Variants in TRPV6 observed in about 807,000 individuals in gnomAD.
The protein encoded by TRPV6 is transient receptor potential cation channel subfamily V member 6.
A neutral mutation model predicts 79.0 loss-of-function variants in TRPV6; 39 were observed. The ratio of observed to expected loss-of-function variants is 0.49; its 90% CI spans 0.38 to 0.64. The LOEUF (loss-of-function observed/expected upper bound fraction) is 0.64. Ranked by LOEUF, TRPV6 falls within the 30% of genes least tolerant of loss-of-function variation. The pLI is 0.00. For synonymous variants in TRPV6, 373 were observed against 391.9 expected, an observed-to-expected ratio of 0.95 and a Z score of 0.57; for missense variants, 813 against 1,011.1, an observed-to-expected ratio of 0.80 and a Z score of 2.66.
chr7:142,875,663 G>A lies in TRPV6; in HGVS notation c.1047C>T (p.Asp349=), dbSNP rs780787551. The A allele has an allele frequency of 6.2e-7, 1 of 1,613,038 alleles. No homozygotes were observed. The highest frequency in any genetic ancestry group is 2.2e-5 in the East Asian group (1 of 44,854). Residue 349 remains aspartate (D), a synonymous_variant, in exon 8 of 15, where the codon GAC becomes GAT. Coordinates refer to ENST00000359396, the MANE Select transcript of TRPV6 (RefSeq NM_018646.6). ...TCACCAGCTCCTTCACCGGCGTCTGGTCCAGGATCTGGCGAGCCTGCAACA... is the reference window on the plus strand; with the variant it reads ...TCACCAGCTCCTTCACCGGCGTCTGATCCAGGATCTGGCGAGCCTGCAACA...
chr7:142,877,555 T>C (rs1795102461), intron 3 of TRPV6, 96 bp downstream of exon 3: 6 of 1,537,414 alleles, frequency 3.9e-6, no homozygotes, highest in Middle Eastern at 1.8e-4. Flanking sequence ...GAGGCTCAGA[T>C]CCCCTGTGTC....
At position 142,876,723 on chromosome 7, in the gene TRPV6, C is replaced by G; in HGVS notation, c.706+16G>C. 6.2e-7 allele frequency: 1 copy of G among 1,614,082 alleles called. No individual in the cohort carries two copies. ...CCCTGCAGCATCCCAGCTCCCCTCC[C>G]CATCTCAGCTCTTACCCAGGGAGTC... On this transcript the variant is annotated intron_variant, in intron 5 of 14. Coordinates refer to ENST00000359396, the MANE Select transcript of TRPV6 (RefSeq NM_018646.6).
rs778016744 is a variant in TRPV6 at position 142,873,470 on chromosome 7, C to T, written c.1886G>A (p.Arg629Gln). The T allele has an allele frequency of 6.8e-6, 11 of 1,614,156 alleles. No homozygotes were observed. The highest frequency in any genetic ancestry group is 3.3e-5 in the Admixed American group (2 of 60,024). Residue 629 changes from arginine to glutamine, a missense_variant, in exon 13 of 15, where the codon CGG becomes CAG. Transcript: ENST00000359396. The surrounding 1 kb of genome is among the most constrained non-coding windows in gnomAD (Gnocchi z 4.8). ...CACCTGGGCCCTCCACAGCTCATCC[C>T]GCTCATGGGCCACTCGCCAGTGAGT... is the stretch of plus-strand genomic sequence containing the variant.
chr7:142,874,809 C>G, intron 10 of TRPV6, 95 bp downstream of exon 10: 1 of 1,571,552 alleles, frequency 6.4e-7, no homozygotes, highest in Non-Finnish European at 8.7e-7. Context: ...AGAGAGGGGG[C>G]TCTGGAGCTA....
intron 1 of TRPV6, chr7:142,878,337 G>T: frequency 2.4e-6 from 1 of 420,222 alleles, no homozygotes; most frequent in Non-Finnish European, 4.4e-6. Flanking sequence ...GGTACGGAGG[G>T]GAGGAGTTCT....
intron 13 of TRPV6, 36 bp from the exon 14 acceptor site, chr7:142,872,514 G>C: frequency 6.3e-7 from 1 of 1,589,060 alleles, no homozygotes; most frequent in Non-Finnish European, 8.6e-7. Flanking sequence ...TCAGAGATGA[G>C]GCTGGGCGCA....
chr7:142,877,101 C>A (rs1795090773), intron 4 of TRPV6, 41 bp downstream of exon 4: 1 of 1,594,292 alleles, frequency 6.3e-7, no homozygotes, highest in African/African-American at 1.3e-5. Context: ...CCTTGCCCAC[C>A]TTTCCAACTG....
rs749877598 is a variant in TRPV6, at chr7:142,875,179, G to C, written c.1243-15C>G. ...ATGTAGGCTTCCTAATGGGGGAGAAGAACAGTCAAAATGCTCAGGGCTTTC... is the reference window on the plus strand; with the variant it reads ...ATGTAGGCTTCCTAATGGGGGAGAACAACAGTCAAAATGCTCAGGGCTTTC... On this transcript the variant is annotated splice_polypyrimidine_tract_variant and intron_variant, in intron 8 of 14. Transcript: ENST00000359396. The C allele has an allele frequency of 1.9e-5, 31 of 1,613,750 alleles. No individual in the cohort carries two copies. Among genetic ancestry groups the C allele is most frequent in the South Asian group, 4.4e-5 (4 of 91,060 alleles).
In TRPV6 at chr7:142,871,949, G is replaced by A. The variant is rs763838443; in HGVS notation, c.2056C>T (p.Arg686Cys). 26 of 1,609,860 alleles carry A rather than the reference G, an allele frequency of 1.6e-5. No homozygotes were observed. The highest frequency in any genetic ancestry group is 2.0e-5 in the Non-Finnish European group (23 of 1,177,512). The change falls in exon 15 of 15, where the codon CGC (arginine) becomes TGC (cysteine). Residue 686 changes from arginine to cysteine, a missense_variant. Coordinates refer to ENST00000359396, the MANE Select transcript of TRPV6 (RefSeq NM_018646.6). ...CGGGTGTGGAAGGCCTGTGCGTAGC[G>A]TTGGATCCGCTGCCGGTTGAGATCT...
chr7:142,876,665 G>A (rs1795079677), intron 5 of TRPV6, 74 bp downstream of exon 5: 1 of 1,612,240 alleles, frequency 6.2e-7, no homozygotes, highest in Non-Finnish European at 8.5e-7. Flanking sequence ...CTTCCTGAAG[G>A]TCCCAGCCCC....
rs774319811 is a variant in TRPV6 at position 142,873,519 on chromosome 7, G to T, written c.1837C>A (p.Leu613Ile). ...GTGTCGCCCATCATGGCAATGAGGA[G>T]GTTGAGCATGAGCAGTGTGGCGATG... The change falls in exon 13 of 15, where the codon CTC becomes ATC. Residue 613 changes from leucine to isoleucine, a missense_variant. Leu to Ile is a conservative substitution (Grantham distance 5). Coordinates refer to ENST00000359396, the MANE Select transcript of TRPV6 (RefSeq NM_018646.6). The surrounding 1 kb of genome is among the most constrained non-coding windows in gnomAD (Gnocchi z 4.8). 1.2e-6 allele frequency: 2 copies of T among 1,614,228 alleles called. No individual in the cohort carries two copies. The highest frequency in any genetic ancestry group is 1.3e-5 in the African/African-American group (1 of 75,060).
At position 142,871,613 on chromosome 7, in the gene TRPV6, G is replaced by A. The variant is rs1010230247; in HGVS notation, c.*94C>T. 7 of 1,449,394 alleles carry A rather than the reference G, an allele frequency of 4.8e-6. No individual in the cohort carries two copies. The highest frequency in any genetic ancestry group is 5.6e-6 in the Non-Finnish European group (6 of 1,071,828). 89.8% of individuals were successfully genotyped at this position (1,449,394 alleles called of 1,614,324 possible). ...TACTCCTCTTTCTCCCCTGGGGCCT[G>A]GGAGATGAGACCTCTGGGTGTTTGG... On this transcript the variant is annotated 3_prime_UTR_variant, in exon 15 of 15. Transcript: ENST00000359396.
In TRPV6 at chr7:142,877,747, T is replaced by C; in HGVS notation, c.373A>G (p.Ile125Val). 1.2e-6 allele frequency: 2 copies of C among 1,614,124 alleles called. No individual in the cohort carries two copies. The highest frequency in any genetic ancestry group is 1.7e-6 in the Non-Finnish European group (2 of 1,180,002). ...TCCAGGTTGTCATAGAGGGCTGCTA[T>C]GTGTAGCGCTGTTTCCCCCATGGCT... The change falls in exon 3 of 15, where the codon ATA becomes GTA. Residue 125 changes from isoleucine (I) to valine (V), a missense_variant. This residue lies in a region of TRPV6 where 555 missense variants were observed against 631.0 expected (regional missense o/e 0.88). Transcript: ENST00000359396.
At chr7:142,877,591 C>T in intron 3 of TRPV6, 60 bp downstream of exon 3, 2 of 1,581,700 alleles carry the variant, frequency 1.3e-6, no homozygotes, top group South Asian at 2.3e-5. Flanking sequence ...ATCACAGAGA[C>T]TGACTTGAAA....
chr7:142,877,015 C>G, intron 4 of TRPV6, 127 bp downstream of exon 4: 1 of 1,461,388 alleles, frequency 6.8e-7, no homozygotes, highest in East Asian at 2.5e-5. Context: ...TAATTAAGCC[C>G]TAGAAGGATT....
chr7:142,879,156 G>T (rs1795144746), intron 1 of TRPV6: 1 of 152,154 alleles, frequency 6.6e-6, no homozygotes, highest in African/African-American at 2.4e-5. Context: ...CCAATCTAGA[G>T]GATTCATTCA....
Position 142,885,389 on chromosome 7 carries a change from CTCT to C in TRPV6, c.245_247del (p.Lys82del). The stretch of plus-strand genomic sequence containing the variant: ...AGGGAGCAGACCAAGGGGGCCTTAC[CTCT>C]TCTGCTGCAGCAGGTTCTGCTCATC... On this transcript the variant is annotated inframe_deletion and splice_region_variant, in exon 1 of 15. Transcript: ENST00000359396. 2 of 1,611,474 alleles carry C rather than the reference CTCT, an allele frequency of 1.2e-6. No individual in the cohort carries two copies. The highest frequency in any genetic ancestry group is 1.7e-6 in the Non-Finnish European group (2 of 1,178,520).
intron 1 of TRPV6, chr7:142,884,219 G>C (rs550815826): frequency 6.6e-6 from 1 of 152,354 alleles, no homozygotes; most frequent in Non-Finnish European, 1.5e-5. Flanking sequence ...CCCAGGCCTT[G>C]GGGGAGAGGT....
In TRPV6 at chr7:142,874,849, G is replaced by A. The variant is rs1795022078; in HGVS notation, c.1406+55C>T. ...TCTTGAGAGGTCAGGAATCCAAGGA[G>A]TGGAACTGGAGCCCTGTTGAGGGAA... On this transcript the variant is annotated intron_variant, in intron 10 of 14. Coordinates refer to ENST00000359396, the MANE Select transcript of TRPV6 (RefSeq NM_018646.6). 1.9e-6 allele frequency: 3 copies of A among 1,604,998 alleles called. No individual in the cohort carries two copies. The South Asian group carries it at 3.3e-5, about 18-fold the overall frequency.
Sources: allele counts gnomAD v4.1 joint callset, GRCh38; gene constraint gnomAD v4.1.1; regional missense constraint gnomAD v4.1.1; non-coding constraint Gnocchi (gnomAD v3.1); transcripts MANE v1.5; gene names NCBI Gene and HGNC (gene_info 2026-07-23, HGNC 2026-07-21).